SLC2A13: variants seen among roughly 807,000 people sequenced by gnomAD.
The protein encoded by SLC2A13 is solute carrier family 2 member 13, also known as proton myo-inositol cotransporter.
SLC2A13 carries 32 observed loss-of-function variants against 64.4 expected under a neutral mutation model. The observed-to-expected ratio is 0.50, with a 90% confidence interval of 0.37 to 0.67. The LOEUF (loss-of-function observed/expected upper bound fraction) is 0.67. SLC2A13 is among the 30% of genes least tolerant of loss of function. The pLI is 0.00. For missense variants in SLC2A13, 743 were observed against 829.2 expected, an observed-to-expected ratio of 0.90 and a Z score of 1.28; for synonymous variants, 338 against 327.1, an observed-to-expected ratio of 1.03 and a Z score of -0.36.
At chr12:39,958,596 A>G (rs762000626) in intron 3 of SLC2A13, among the ~76,000 whole-genome samples, 4 of 151,194 alleles carry the variant, frequency 2.6e-5, no homozygotes, top group Admixed American at 6.6e-5. Flanking sequence ...TGAATCCTCC[A>G]CTTACTTGTT....
intron 3 of SLC2A13, among the ~76,000 whole-genome samples, chr12:39,996,196 C>G (rs1254635948): frequency 6.6e-6 from 1 of 152,088 alleles, no homozygotes; most frequent in Non-Finnish European, 1.5e-5. Flanking sequence ...TATGTTTTAG[C>G]AAAGAGACTG....
intron 3 of SLC2A13, among the ~76,000 whole-genome samples, chr12:39,990,183 G>T (rs1311917656): frequency 6.6e-6 from 1 of 152,128 alleles, no homozygotes; most frequent in Non-Finnish European, 1.5e-5. Context: ...ATATAAAGTA[G>T]TCTTACACAT....
chr12:39,764,118 C>T (rs1183998669), intron 9 of SLC2A13, among the ~76,000 whole-genome samples: 1 of 152,038 alleles, frequency 6.6e-6, no homozygotes, highest in East Asian at 1.9e-4. Flanking sequence ...CATCTTTTTA[C>T]CATTTTCTGT....
At chr12:40,025,520 C>T (rs1033039729) in intron 3 of SLC2A13, among the ~76,000 whole-genome samples, 3 of 152,206 alleles carry the variant, frequency 2.0e-5, no homozygotes, top group Non-Finnish European at 4.4e-5. Flanking sequence ...ACATGGTTTA[C>T]TGATCCAGAA....
chr12:39,982,957 A>AGATACTGTT (rs1243052732), intron 3 of SLC2A13, among the ~76,000 whole-genome samples: 7 of 140,314 alleles, frequency 5.0e-5, no homozygotes, highest in Non-Finnish European at 9.4e-5. Flanking sequence ...CCAAAACAGC[A>AGATACTGTT]TGGTACTGGT....
intron 6 of SLC2A13, among the ~76,000 whole-genome samples, chr12:39,833,263 A>T (rs1045366715): frequency 6.6e-6 from 1 of 152,104 alleles, no homozygotes; most frequent in African/African-American, 2.4e-5. Flanking sequence ...AAAGCTGAAA[A>T]TATTTCCTAT....
At chr12:39,909,531 A>T (rs1945374290) in intron 4 of SLC2A13, among the ~76,000 whole-genome samples, 1 of 152,108 alleles carries the variant, frequency 6.6e-6, no homozygotes, top group African/African-American at 2.4e-5. Context: ...ATACATACAG[A>T]CCTGTTATAA....
chr12:39,876,186 A>G (rs1453783851), intron 4 of SLC2A13, among the ~76,000 whole-genome samples: 6 of 152,218 alleles, frequency 3.9e-5, no homozygotes, highest in African/African-American at 1.4e-4. Flanking sequence ...AGAACAGCCA[A>G]GGCCGGAAAT....
chr12:39,784,711 C>G (rs1206278036), intron 7 of SLC2A13, among the ~76,000 whole-genome samples: 2 of 152,146 alleles, frequency 1.3e-5, no homozygotes, highest in Non-Finnish European at 2.9e-5. Flanking sequence ...CAACAAAAGC[C>G]AAAACTGACA....
chr12:39,870,508 A>G (rs891126989), intron 5 of SLC2A13, among the ~76,000 whole-genome samples: 3 of 152,138 alleles, frequency 2.0e-5, no homozygotes, highest in African/African-American at 7.2e-5. Context: ...AACATCTACT[A>G]TCTGCTAAAA....
intron 7 of SLC2A13, among the ~76,000 whole-genome samples, chr12:39,777,438 T>A (rs1233890617): frequency 6.6e-6 from 1 of 152,030 alleles, no homozygotes; most frequent in Non-Finnish European, 1.5e-5. Context: ...AAAAGCATGG[T>A]CCCTTTAAAT....
At chr12:40,001,726 G>T (rs990320706) in intron 3 of SLC2A13, among the ~76,000 whole-genome samples, 2 of 152,126 alleles carry the variant, frequency 1.3e-5, no homozygotes, top group Admixed American at 6.5e-5. Flanking sequence ...GCACCACTGG[G>T]ATGTAAAAGT....
At chr12:39,889,430 A>G (rs1479497122) in intron 4 of SLC2A13, among the ~76,000 whole-genome samples, 1 of 152,112 alleles carries the variant, frequency 6.6e-6, no homozygotes, top group Non-Finnish European at 1.5e-5. Context: ...CCTATATTTT[A>G]CAACTGCTGT....
chr12:39,958,131 C>T (rs1346939212), intron 3 of SLC2A13, among the ~76,000 whole-genome samples: 1 of 152,180 alleles, frequency 6.6e-6, no homozygotes, highest in Non-Finnish European at 1.5e-5. Flanking sequence ...AGTGCTCCTT[C>T]TCTCTTCATA....
chr12:40,059,100 C>T (rs1331731284), intron 1 of SLC2A13, among the ~76,000 whole-genome samples: 1 of 152,134 alleles, frequency 6.6e-6, no homozygotes, highest in Admixed American at 6.5e-5. Context: ...CTGACACAGC[C>T]AGAATAGAGG....
intron 7 of SLC2A13, among the ~76,000 whole-genome samples, chr12:39,816,363 A>G (rs1435575592): frequency 2.1e-5 from 3 of 142,126 alleles, no homozygotes; most frequent in African/African-American, 7.9e-5. Context: ...TCTCACTCAT[A>G]GGTGGGAATT....
chr12:40,097,016 A>T (rs763831299), intron 1 of SLC2A13, among the ~76,000 whole-genome samples: 1 of 152,134 alleles, frequency 6.6e-6, no homozygotes, highest in Non-Finnish European at 1.5e-5. Flanking sequence ...CACTGTTACT[A>T]ACAGTGCTAA....
At chr12:40,051,365 G>A (rs900734939) in intron 1 of SLC2A13, among the ~76,000 whole-genome samples, 4 of 152,158 alleles carry the variant, frequency 2.6e-5, no homozygotes, top group African/African-American at 9.7e-5. Flanking sequence ...GAGAGACAGA[G>A]GGCGCCTAAG....
At chr12:39,853,335 G>A (rs1228393980) in intron 6 of SLC2A13, among the ~76,000 whole-genome samples, 5 of 151,868 alleles carry the variant, frequency 3.3e-5, no homozygotes, top group Non-Finnish European at 7.4e-5. Context: ...GCAATACTTT[G>A]GAAAGATAAC....
Sources: allele counts gnomAD v4.1 joint callset (sites outside exome capture counted in the v4.1 genomes callset), GRCh38; gene constraint gnomAD v4.1.1; transcripts MANE v1.5; gene names NCBI Gene and HGNC (gene_info 2026-07-23, HGNC 2026-07-21).